Variants in SHISA9 observed in about 807,000 individuals in gnomAD.
SHISA9 encodes protein shisa-9.
Under a neutral mutation model 38.0 loss-of-function variants are expected in SHISA9, and 13 were observed. The ratio of observed to expected loss-of-function variants is 0.34; its 90% CI spans 0.22 to 0.54. The LOEUF is 0.54. Among genes scored for constraint, SHISA9 ranks in the 20% least tolerant of loss-of-function variants. SHISA9 has a pLI of 0.91. For synonymous variants in SHISA9, 275 were observed against 242.0 expected (o/e 1.14, Z -1.27); for missense variants, 538 against 575.8 (o/e 0.93, Z 0.67).
At chr16:12,925,473 G>GTGTGTGTGTGTGTGTGTTTA (rs113968316) in intron 2 of SHISA9, among the ~76,000 whole-genome samples, 72 of 150,604 alleles carry the variant, frequency 4.8e-4, no homozygotes, top group African/African-American at 1.7e-3. Context: ...GTGTGTGTGT[G>GTGTGTGTGTGTGTGTGTTTA]CAAGCAACAG....
chr16:13,251,340 C>G, the SHISA9 span, among the ~76,000 whole-genome samples: 1 of 152,184 alleles, frequency 6.6e-6, no homozygotes, highest in East Asian at 1.9e-4. Context: ...TTTTTTTACT[C>G]CAGTCATTGC....
At chr16:13,119,182 C>G (rs188958930) in intron 2 of SHISA9, among the ~76,000 whole-genome samples, 116 of 152,290 alleles carry the variant, frequency 7.6e-4, no homozygotes, top group African/African-American at 2.6e-3. Flanking sequence ...TTGCCCATTT[C>G]TTATCTCATT....
intron 2 of SHISA9, among the ~76,000 whole-genome samples, chr16:12,964,371 C>T (rs2071951105): frequency 6.7e-6 from 1 of 148,892 alleles, no homozygotes; most frequent in African/African-American, 2.4e-5. Flanking sequence ...TCAATCAAAA[C>T]ATTGGACTTT....
At chr16:13,258,456 C>G in the SHISA9 span, 1 of 152,184 alleles carries the variant, frequency 6.6e-6, no homozygotes, top group Non-Finnish European at 1.5e-5. Flanking sequence ...AGAGTTGGTT[C>G]TCTTCTCTTC....
At chr16:13,015,896 TTC>T (rs1467479591) in intron 2 of SHISA9, among the ~76,000 whole-genome samples, 1 of 125,826 alleles carries the variant, frequency 7.9e-6, no homozygotes, top group Non-Finnish European at 1.8e-5. Flanking sequence ...CTTTCTTTCT[TTC>T]TTTCTTTCTT....
chr16:13,442,934 A>G, the SHISA9 span, among the ~76,000 whole-genome samples: 1 of 152,238 alleles, frequency 6.6e-6, no homozygotes, highest in African/African-American at 2.4e-5. Flanking sequence ...TGCTCAAAAC[A>G]AAATACTTTG....
At chr16:13,424,725 CAT>C in the SHISA9 span, among the ~76,000 whole-genome samples, 4 of 152,082 alleles carry the variant, frequency 2.6e-5, no homozygotes, top group African/African-American at 9.7e-5. Flanking sequence ...CAAAAGCAGT[CAT>C]ATATGATATG....
intron 2 of SHISA9, among the ~76,000 whole-genome samples, chr16:13,086,185 G>C (rs938908465): frequency 7.9e-5 from 12 of 151,788 alleles, no homozygotes; most frequent in African/African-American, 2.9e-4. Context: ...ATGAAACCCT[G>C]TCTCTACTAA....
the SHISA9 span, among the ~76,000 whole-genome samples, chr16:13,545,346 G>A: frequency 9.9e-5 from 15 of 152,188 alleles, no homozygotes; most frequent in Non-Finnish European, 1.5e-5. Context: ...AAAAGCAGAC[G>A]GAAATGCCAG....
intron 2 of SHISA9, among the ~76,000 whole-genome samples, chr16:13,153,888 T>C (rs1261982395): frequency 1.4e-5 from 2 of 148,122 alleles, no homozygotes; most frequent in East Asian, 4.0e-4. Context: ...GTGAAGCAGA[T>C]GGTTCACCAA....
chr16:13,328,325 A>C, the SHISA9 span, among the ~76,000 whole-genome samples: 23 of 152,056 alleles, frequency 1.5e-4, no homozygotes, highest in African/African-American at 5.6e-4. Flanking sequence ...GTGTGATTAC[A>C]AGTGCAAGGT....
chr16:13,190,660 A>C (rs926121095), intron 2 of SHISA9, among the ~76,000 whole-genome samples: 3 of 152,170 alleles, frequency 2.0e-5, no homozygotes, highest in African/African-American at 7.2e-5. Context: ...CATGCTGCGG[A>C]TCTGCCTCCT....
the SHISA9 span, among the ~76,000 whole-genome samples, chr16:13,265,123 T>G: frequency 1.1e-5 from 1 of 94,148 alleles, no homozygotes; most frequent in African/African-American, 4.2e-5. Context: ...TCCCTTCCTG[T>G]TCCCCTCCCC....
intron 2 of SHISA9, among the ~76,000 whole-genome samples, chr16:13,010,559 G>A (rs1028178500): frequency 6.6e-6 from 1 of 152,206 alleles, no homozygotes; most frequent in Non-Finnish European, 1.5e-5. Flanking sequence ...AGAATCAGCA[G>A]CATTATAGGT....
chr16:13,124,915 T>TA (rs2050243341), intron 2 of SHISA9, among the ~76,000 whole-genome samples: 1 of 152,112 alleles, frequency 6.6e-6, no homozygotes, highest in Non-Finnish European at 1.5e-5. Context: ...TGGATATCCA[T>TA]ATGCAGCAGA....
chr16:13,422,620 T>A, the SHISA9 span, among the ~76,000 whole-genome samples: 26 of 152,144 alleles, frequency 1.7e-4, no homozygotes, highest in Non-Finnish European at 3.5e-4. Context: ...TGCTTGAACC[T>A]GAGAGGCGGA....
the SHISA9 span, among the ~76,000 whole-genome samples, chr16:13,511,504 G>C: frequency 6.6e-6 from 1 of 152,116 alleles, no homozygotes; most frequent in African/African-American, 2.4e-5. Flanking sequence ...TCCTCTACCT[G>C]AAACAACTTA....
the SHISA9 span, among the ~76,000 whole-genome samples, chr16:13,294,194 T>C: frequency 2.6e-5 from 4 of 152,202 alleles, no homozygotes; most frequent in South Asian, 6.2e-4. Context: ...GGGTTTGCTG[T>C]GTAATAATCT....
chr16:13,005,036 G>C (rs1820419765), intron 2 of SHISA9, among the ~76,000 whole-genome samples: 1 of 151,312 alleles, frequency 6.6e-6, no homozygotes, highest in Non-Finnish European at 1.5e-5. Context: ...TTATTTATGA[G>C]GGTGGGAGAG....
Sources: gnomAD v4.1 joint callset for allele counts (sites outside exome capture counted in the v4.1 genomes callset) on GRCh38, gnomAD v4.1.1 for gene constraint, MANE v1.5 for transcripts, NCBI Gene and HGNC (gene_info 2026-07-23, HGNC 2026-07-21) for gene names.